The following TIMM17A variants were observed in gnomAD, a reference collection of about 807,000 sequenced individuals.
TIMM17A encodes the protein mitochondrial import inner membrane translocase subunit Tim17-A.
In TIMM17A, 15 loss-of-function variants were observed where a neutral mutation model predicts 26.5. The ratio of observed to expected loss-of-function variants is 0.57; its 90% CI spans 0.38 to 0.87. TIMM17A has a LOEUF of 0.87. TIMM17A is among the 40% of genes least tolerant of loss of function. TIMM17A has a pLI of 0.00. For synonymous variants in TIMM17A, 80 were observed against 70.8 expected, an observed-to-expected ratio of 1.13 and a Z score of -0.66; for missense variants, 201 against 210.0, an observed-to-expected ratio of 0.96 and a Z score of 0.27.
intron 3 of TIMM17A, among the ~76,000 whole-genome samples, chr1:201,959,836 A>T: frequency 6.6e-6 from 1 of 151,258 alleles, no homozygotes; most frequent in African/African-American, 2.4e-5. Context: ...ACAAAAAAAA[A>T]CAACAACAAA....
Position 201,960,785 on chromosome 1 carries a change from G to C in TIMM17A, c.191-2831G>C, listed in dbSNP as rs1387985949. 3.3e-5 allele frequency among the ~76,000 whole-genome samples: 5 copies of C among 151,880 alleles called. No individual in the cohort carries two copies. The East Asian group carries it at 9.6e-4, about 29-fold the overall frequency. Reference sequence around the variant, plus strand: ...TCTTTCTTTTTTTTTTTGAGATAGGGTCACCCAGGCTGGAGTGTGGTGGCA... The same window carrying C: ...TCTTTCTTTTTTTTTTTGAGATAGGCTCACCCAGGCTGGAGTGTGGTGGCA... On this transcript the variant is annotated intron_variant, in intron 3 of 5. Transcript: ENST00000367287.
chr1:201,962,892 A>G (rs1165219599), intron 3 of TIMM17A: 5 of 152,248 alleles, frequency 3.3e-5, no homozygotes, highest in Non-Finnish European at 7.3e-5. Flanking sequence ...TAGATGCTCA[A>G]TGACATATAA....
rs1442867883 is a variant in TIMM17A at position 201,969,494 on chromosome 1, C to A, written c.456C>A (p.Ser152=). Residue 152 remains serine (S), a synonymous_variant, in exon 6 of 6, where the codon TCC becomes TCA. Transcript: ENST00000367287. ...PNGPQFAEDP[S]QLPSTQLPSS... ...GTCCTCAGTTTGCAGAAGACCCCTC[C>A]CAGTTGCCTTCAACTCAGTTACCTT... The A allele has an allele frequency of 1.2e-6, 2 of 1,613,792 alleles. No individual in the cohort carries two copies. The highest frequency in any genetic ancestry group is 3.3e-5 in the Admixed American group (2 of 59,984).
rs1298830235 is a variant in TIMM17A, at chr1:201,964,656, T to A, written c.320-777T>A. On this transcript the variant is annotated intron_variant, in intron 4 of 5. Coordinates refer to ENST00000367287, the MANE Select transcript of TIMM17A (RefSeq NM_006335.3). ...ATTTCTTTTTTTTTTTTTTTTTTTT[T>A]TTTTTTTTTTGAGACTGAGTCTCAC... 1.8e-4 allele frequency among the ~76,000 whole-genome samples: 23 copies of A among 130,386 alleles called. 1 individual carries two copies. Among genetic ancestry groups the A allele is most frequent in the South Asian group, 4.9e-4 (2 of 4,114 alleles). The allele number at this position is 130,386 out of a possible 152,430, so 85.5% of individuals were successfully genotyped here.
chr1:201,955,846 G>A (rs1682399920), intron 1 of TIMM17A, among the ~76,000 whole-genome samples: 2 of 152,256 alleles, frequency 1.3e-5, no homozygotes, highest in Admixed American at 1.3e-4. Flanking sequence ...TCCCAACGCA[G>A]GGCGTAATCG....
intron 4 of TIMM17A, among the ~76,000 whole-genome samples, chr1:201,964,643 T>TTC (rs1682593207): frequency 8.6e-6 from 1 of 116,132 alleles, no homozygotes; most frequent in East Asian, 2.4e-4. Context: ...TTCTTTTTTT[T>TTC]TTTTTTTTTT....
Position 201,969,589 on chromosome 1 carries a change from T to C in TIMM17A, c.*35T>C, listed in dbSNP as rs749791464. On this transcript the variant is annotated 3_prime_UTR_variant, in exon 6 of 6. Transcript: ENST00000367287. ...CCTAGGATTTCTTTAACAGAACGAG[T>C]TGTGGTTCGAGAAGGATTTCAGAAG... 1 of 1,555,086 alleles carries C rather than the reference T, an allele frequency of 6.4e-7. No individual in the cohort carries two copies. Among genetic ancestry groups the C allele is most frequent in the Admixed American group, 1.7e-5 (1 of 59,292 alleles).
intron 1 of TIMM17A, 108 bp from the exon 2 acceptor site, chr1:201,957,173 T>C (rs1456195254): frequency 3.0e-6 from 2 of 674,722 alleles, no homozygotes; most frequent in Non-Finnish European, 5.2e-6. Context: ...TTGGTTGCAG[T>C]GGGCCCTGCA....
intron 3 of TIMM17A, among the ~76,000 whole-genome samples, chr1:201,959,868 A>G (rs887005942): frequency 2.6e-5 from 4 of 151,184 alleles, no homozygotes; most frequent in African/African-American, 9.7e-5. Context: ...GGGCATGGTG[A>G]CGGGCGCCTG....
intron 5 of TIMM17A, among the ~76,000 whole-genome samples, chr1:201,967,577 CTG>C (rs1682658031): frequency 1.3e-5 from 1 of 75,188 alleles, no homozygotes; most frequent in African/African-American, 4.6e-5. Context: ...AACAGAATCT[CTG>C]TGACCCCGGC....
At chr1:201,963,009 T>G (rs780050482) in intron 3 of TIMM17A, 2 of 152,248 alleles carry the variant, frequency 1.3e-5, no homozygotes, top group African/African-American at 2.4e-5. Context: ...ACCAGAGAGA[T>G]ATGTTATTCT....
intron 3 of TIMM17A, among the ~76,000 whole-genome samples, chr1:201,961,926 C>A (rs775640174): frequency 6.6e-6 from 1 of 151,916 alleles, no homozygotes; most frequent in African/African-American, 2.4e-5. Context: ...AGGCTGCCTT[C>A]CTTGAGAATC....
intron 3 of TIMM17A, among the ~76,000 whole-genome samples, chr1:201,961,398 T>G (rs1682526121): frequency 6.6e-6 from 1 of 152,042 alleles, no homozygotes; most frequent in Non-Finnish European, 1.5e-5. Flanking sequence ...GAAAATAAGA[T>G]AGGATTTTGA....
At chr1:201,962,926 T>G (rs1273735551) in intron 3 of TIMM17A, 1 of 152,124 alleles carries the variant, frequency 6.6e-6, no homozygotes, top group Admixed American at 6.6e-5. Context: ...AAAATAGAGG[T>G]AAGTAAAGCT....
At chr1:201,966,966 TTATA>T (rs199768365) in intron 5 of TIMM17A, among the ~76,000 whole-genome samples, 10,677 of 144,384 alleles carry the variant, frequency 0.074, 474 homozygotes, top group Middle Eastern at 0.18. Context: ...ATGTTATATA[TTATA>T]TATGTTGTAT....
chr1:201,957,141 C>T, intron 1 of TIMM17A, 140 bp from the exon 2 acceptor site: 2 of 602,798 alleles, frequency 3.3e-6, no homozygotes, highest in Admixed American at 3.4e-5. Context: ...TTCCTCAAGT[C>T]ATTTTATAGG....
chr1:201,966,675 C>G (rs1014288265), intron 5 of TIMM17A, among the ~76,000 whole-genome samples: 1 of 151,804 alleles, frequency 6.6e-6, no homozygotes, highest in Non-Finnish European at 1.5e-5. Context: ...GAAACCCCGT[C>G]TCTACTAAAA....
intron 5 of TIMM17A, among the ~76,000 whole-genome samples, chr1:201,966,669 C>A (rs1682631386): frequency 6.6e-6 from 1 of 151,798 alleles, no homozygotes; most frequent in Non-Finnish European, 1.5e-5. Context: ...CGTGGTGAAA[C>A]CCCGTCTCTA....
At chr1:201,968,383 T>C (rs963910473) in intron 5 of TIMM17A, among the ~76,000 whole-genome samples, 3 of 150,910 alleles carry the variant, frequency 2.0e-5, no homozygotes, top group African/African-American at 4.9e-5. Flanking sequence ...TTTTTTGGGG[T>C]TTTTTTGTTT....
Sources: allele counts gnomAD v4.1 joint callset (sites outside exome capture counted in the v4.1 genomes callset), GRCh38; gene constraint gnomAD v4.1.1; transcripts MANE v1.5; gene names NCBI Gene and HGNC (gene_info 2026-07-23, HGNC 2026-07-21).